SORCS2: variants seen among roughly 807,000 people sequenced by gnomAD.
The protein encoded by SORCS2 is VPS10 domain-containing receptor SorCS2.
In SORCS2, 100 loss-of-function variants were observed where a neutral mutation model predicts 141.6. The observed-to-expected ratio is 0.71, with a 90% CI of 0.60 to 0.83. SORCS2 has a LOEUF of 0.83. Ranked by LOEUF, SORCS2 falls within the 40% of genes least tolerant of loss-of-function variation. The probability of loss-of-function intolerance (pLI) is 0.00; values close to 1 mark genes in which losing one functional copy is unlikely to be tolerated. For synonymous variants in SORCS2, 789 were observed against 676.9 expected, an observed-to-expected ratio of 1.17 and a Z score of -2.57; for missense variants, 1,646 against 1,560.2, an observed-to-expected ratio of 1.05 and a Z score of -0.93.
chr4:7,485,087 C>T (rs1473750470), intron 2 of SORCS2, among the ~76,000 whole-genome samples: 1 of 152,186 alleles, frequency 6.6e-6, no homozygotes, highest in Non-Finnish European at 1.5e-5. Context: ...AGTCTGGTCA[C>T]CTGTCCTGTG....
chr4:7,317,728 A>G (rs1205273151), intron 1 of SORCS2, among the ~76,000 whole-genome samples: 1 of 152,186 alleles, frequency 6.6e-6, no homozygotes, highest in Non-Finnish European at 1.5e-5. Flanking sequence ...TGAGGCAGTG[A>G]CATGTGAATT....
chr4:7,294,183 G>A (rs937502937), intron 1 of SORCS2, among the ~76,000 whole-genome samples: 4 of 152,212 alleles, frequency 2.6e-5, no homozygotes, highest in African/African-American at 9.7e-5. Context: ...GTGATGCCTG[G>A]CAATTAGGAA....
At position 7,197,784 on chromosome 4, in the gene SORCS2, G is replaced by A. The variant is rs79221164; in HGVS notation, c.480+4658G>A. On this transcript the variant is annotated intron_variant, in intron 1 of 26. Coordinates refer to ENST00000507866, the MANE Select transcript of SORCS2 (RefSeq NM_020777.3). ...GCTGAAGAGTCCGTGTCGCAGTGAC[G>A]AGTGGTGGACATTGCAATTGAGCTT... 1.3e-3 allele frequency among the ~76,000 whole-genome samples: 202 copies of A among 152,314 alleles called. 1 individual carries two copies. Among genetic ancestry groups the A allele is most frequent in the African/African-American group, 4.3e-3 (180 of 41,570 alleles).
At chr4:7,408,202 G>C (rs1725093638) in intron 2 of SORCS2, among the ~76,000 whole-genome samples, 1 of 151,978 alleles carries the variant, frequency 6.6e-6, no homozygotes, top group South Asian at 2.1e-4. Context: ...TATTTTTTAT[G>C]TATTTTTTGC....
chr4:7,721,480 A>G (rs1726588788), intron 18 of SORCS2, among the ~76,000 whole-genome samples: 1 of 152,150 alleles, frequency 6.6e-6, no homozygotes, highest in African/African-American at 2.4e-5. Context: ...AAAAAATAAT[A>G]GTAATACCTG....
chr4:7,585,115 T>C (rs556275457), intron 3 of SORCS2, among the ~76,000 whole-genome samples: 2 of 152,310 alleles, frequency 1.3e-5, no homozygotes, highest in South Asian at 4.1e-4. Flanking sequence ...GGAGAAAAGA[T>C]CTGAGACAAG....
At chr4:7,441,492 G>C (rs1727662513) in intron 2 of SORCS2, among the ~76,000 whole-genome samples, 1 of 152,018 alleles carries the variant, frequency 6.6e-6, no homozygotes. Context: ...GGGCTGGGCA[G>C]GGTGCAGGGG....
intron 3 of SORCS2, among the ~76,000 whole-genome samples, chr4:7,582,690 A>G (rs1469844384): frequency 5.9e-5 from 9 of 152,220 alleles, no homozygotes; most frequent in Non-Finnish European, 1.0e-4. Context: ...AAAGGATATA[A>G]AAAATGAAGA....
intron 14 of SORCS2, among the ~76,000 whole-genome samples, chr4:7,705,601 C>T (rs1254621576): frequency 1.3e-5 from 2 of 152,230 alleles, no homozygotes; most frequent in African/African-American, 4.8e-5. Context: ...CCCTCACCCT[C>T]GCCCACTCGG....
intron 1 of SORCS2, among the ~76,000 whole-genome samples, chr4:7,335,365 G>C (rs576295125): frequency 6.6e-6 from 1 of 152,326 alleles, no homozygotes; most frequent in Non-Finnish European, 1.5e-5. Context: ...GAATTTTATG[G>C]GGAGGGGAGA....
intron 2 of SORCS2, among the ~76,000 whole-genome samples, chr4:7,426,136 G>A (rs900175131): frequency 6.6e-6 from 1 of 152,234 alleles, no homozygotes; most frequent in Non-Finnish European, 1.5e-5. Context: ...TCACAAGGCC[G>A]CCCTGTGGCT....
intron 3 of SORCS2, among the ~76,000 whole-genome samples, chr4:7,546,642 G>A (rs1386635445): frequency 1.3e-5 from 2 of 152,358 alleles, no homozygotes; most frequent in South Asian, 2.1e-4. Flanking sequence ...GGTCAGAGGT[G>A]CAGCCGGTGA....
intron 2 of SORCS2, among the ~76,000 whole-genome samples, chr4:7,398,756 A>C (rs1218689835): frequency 6.6e-6 from 1 of 152,126 alleles, no homozygotes. Context: ...TATGGCTGTT[A>C]CGAGCCCCTG....
intron 2 of SORCS2, among the ~76,000 whole-genome samples, chr4:7,445,477 T>C (rs771975012): frequency 2.6e-5 from 4 of 152,136 alleles, no homozygotes; most frequent in Non-Finnish European, 4.4e-5. Context: ...GAATCACAGC[T>C]GCCCTCCATG....
At chr4:7,366,051 C>T (rs546613970) in intron 1 of SORCS2, among the ~76,000 whole-genome samples, 10 of 152,080 alleles carry the variant, frequency 6.6e-5, no homozygotes, top group East Asian at 1.9e-4. Context: ...CATCCGTCAG[C>T]GCAGGCACCT....
intron 3 of SORCS2, among the ~76,000 whole-genome samples, chr4:7,535,829 C>T (rs900175691): frequency 3.3e-5 from 5 of 152,244 alleles, no homozygotes; most frequent in African/African-American, 1.2e-4. Context: ...GGGGCATTGC[C>T]CTGGCCCTGC....
chr4:7,720,062 G>C (rs1726480249), intron 18 of SORCS2, among the ~76,000 whole-genome samples: 1 of 152,050 alleles, frequency 6.6e-6, no homozygotes, highest in Non-Finnish European at 1.5e-5. Flanking sequence ...CAAACACACA[G>C]ACACACACAT....
chr4:7,710,812 C>G (rs1479626197), intron 14 of SORCS2, among the ~76,000 whole-genome samples: 1 of 152,236 alleles, frequency 6.6e-6, no homozygotes, highest in Non-Finnish European at 1.5e-5. Flanking sequence ...GGGGGCCTTC[C>G]CCTGTCCTTG....
chr4:7,516,951 A>G (rs1401061692), intron 2 of SORCS2, among the ~76,000 whole-genome samples: 2 of 151,518 alleles, frequency 1.3e-5, no homozygotes, highest in Non-Finnish European at 2.9e-5. Flanking sequence ...CAGCCCCTCT[A>G]CCTCCTCCCT....
Sources: allele counts gnomAD v4.1 joint callset (sites outside exome capture counted in the v4.1 genomes callset), GRCh38; gene constraint gnomAD v4.1.1; transcripts MANE v1.5; gene names NCBI Gene and HGNC (gene_info 2026-07-23, HGNC 2026-07-21).